The following IRF8 variants were observed in gnomAD, a reference collection of about 807,000 sequenced individuals.
The protein encoded by IRF8 is interferon regulatory factor 8.
Under a neutral mutation model 48.7 loss-of-function variants are expected in IRF8, and 14 were observed. That is an observed-to-expected ratio of 0.29 (90% CI 0.19 to 0.45). The LOEUF (loss-of-function observed/expected upper bound fraction) is 0.45. Among genes scored for constraint, IRF8 ranks in the 20% least tolerant of loss-of-function variants. IRF8 has a pLI of 1.00. For missense variants in IRF8, 493 were observed against 580.7 expected, an observed-to-expected ratio of 0.85 and a Z score of 1.55; for synonymous variants, 278 against 227.3, an observed-to-expected ratio of 1.22 and a Z score of -2.01.
chr16:85,918,522 T>C lies in IRF8; in HGVS notation c.707T>C (p.Leu236Pro), dbSNP rs752611388. The C allele has an allele frequency of 2.5e-6, 4 of 1,598,546 alleles. No individual in the cohort carries two copies. The highest frequency in any genetic ancestry group is 2.2e-5 in the East Asian group (1 of 44,728). ...GCRLSLSQPG[L>P]PGTKLYGPEG... ...CGCCTGTCCCTGAGCCAGCCTGGGCTGCCCGGCACCAAGCTGTATGGGCCC... is the reference window on the plus strand; with the variant it reads ...CGCCTGTCCCTGAGCCAGCCTGGGCCGCCCGGCACCAAGCTGTATGGGCCC... The change falls in exon 7 of 9, where the codon CTG becomes CCG. Residue 236 changes from leucine to proline, a missense_variant. Around this residue, in one of 3 missense-constraint regions of IRF8, gnomAD observed 408 missense variants for 449.6 expected, o/e 0.91. Transcript: ENST00000268638.
At chr16:85,899,647 A>G (rs1904762986) in intron 1 of IRF8, among the ~76,000 whole-genome samples, 1 of 152,240 alleles carries the variant, frequency 6.6e-6, no homozygotes, top group South Asian at 2.1e-4. Flanking sequence ...GTCGTTACTG[A>G]GGGTTAGTTT....
chr16:85,915,235 G>A (rs1330300054), intron 6 of IRF8, among the ~76,000 whole-genome samples: 1 of 152,262 alleles, frequency 6.6e-6, no homozygotes, highest in Non-Finnish European at 1.5e-5. Context: ...TGGAAGTGAC[G>A]CTCAGGCGTG....
At chr16:85,917,236 A>G (rs1905340862) in intron 6 of IRF8, among the ~76,000 whole-genome samples, 1 of 152,204 alleles carries the variant, frequency 6.6e-6, no homozygotes, top group Admixed American at 6.5e-5. Flanking sequence ...GGCAGCCTCG[A>G]ACCGGTCTGG....
chr16:85,903,247 C>T, intron 2 of IRF8, 58 bp downstream of exon 2: 1 of 1,447,596 alleles, frequency 6.9e-7, no homozygotes, highest in African/African-American at 1.4e-5. Context: ...CCCTCATGGA[C>T]TAGTGGAGAT....
In IRF8 at chr16:85,913,177, C is replaced by T. The variant is rs769033917; in HGVS notation, c.494C>T (p.Pro165Leu). 1.2e-6 allele frequency: 2 copies of T among 1,614,196 alleles called. No individual in the cohort carries two copies. The highest frequency in any genetic ancestry group is 1.7e-6 in the Non-Finnish European group (2 of 1,180,022). Residue 165 changes from proline to leucine, a missense_variant, in exon 5 of 9, where the codon CCG becomes CTG. Physicochemically the swap from Pro to Leu is moderately conservative, Grantham distance 98 (BLOSUM62 -3). Transcript: ENST00000268638. ...YMGMIKRSPS[P>L]PEACRSQLLP... Reference sequence around the variant, plus strand: ...GGGATGATCAAAAGGAGCCCTTCCCCGCCGGAGGCCTGTCGGAGTCAGCTC... The same window carrying T: ...GGGATGATCAAAAGGAGCCCTTCCCTGCCGGAGGCCTGTCGGAGTCAGCTC...
At chr16:85,905,654 C>T (rs1904977576) in intron 2 of IRF8, among the ~76,000 whole-genome samples, 1 of 152,206 alleles carries the variant, frequency 6.6e-6, no homozygotes, top group Non-Finnish European at 1.5e-5. Flanking sequence ...TCCCATCCAT[C>T]CTCTGAGAGG....
chr16:85,913,103 C>G, intron 4 of IRF8, 28 bp from the exon 5 acceptor site: 1 of 1,527,266 alleles, frequency 6.5e-7, no homozygotes. Flanking sequence ...GACTGAGCTG[C>G]CCTCCTCTCC....
intron 2 of IRF8, among the ~76,000 whole-genome samples, chr16:85,905,535 G>C (rs1447559671): frequency 3.9e-5 from 6 of 152,114 alleles, no homozygotes. Flanking sequence ...GGCCAGGAGG[G>C]AGACGCGGGT....
At chr16:85,903,439 T>A in intron 2 of IRF8, 1 of 503,494 alleles carries the variant, frequency 2.0e-6, no homozygotes. Context: ...TCTTTTCTTC[T>A]CTTTTCTGCT....
intron 2 of IRF8, among the ~76,000 whole-genome samples, chr16:85,904,810 A>ACCTTTTTTTTTTTTTTTTTTTTT (rs1904940850): frequency 6.2e-5 from 4 of 64,636 alleles, no homozygotes; most frequent in African/African-American, 4.2e-4. Flanking sequence ...TTGATTGCAG[A>ACCTTTTTTTTTTTTTTTTTTTTT]TCTTTTTTTT....
intron 3 of IRF8, among the ~76,000 whole-genome samples, chr16:85,910,579 AC>A (rs561290047): frequency 2.5e-3 from 384 of 152,248 alleles, no homozygotes; most frequent in African/African-American, 8.9e-3. Flanking sequence ...TCAGGCTTGA[AC>A]CGGCAGGTGA....
chr16:85,903,916 G>A (rs1348566395), intron 2 of IRF8, among the ~76,000 whole-genome samples: 2 of 152,204 alleles, frequency 1.3e-5, no homozygotes, highest in Non-Finnish European at 2.9e-5. Context: ...ATGCAAGATG[G>A]CCCAACTGTG....
chr16:85,902,611 A>C (rs1355891717), intron 1 of IRF8: 1 of 273,828 alleles, frequency 3.7e-6, no homozygotes, highest in African/African-American at 2.2e-5. Flanking sequence ...TCTTCGGATA[A>C]TGGGCTGCTC....
chr16:85,903,275 T>C (rs756905699), intron 2 of IRF8, 86 bp downstream of exon 2: 4 of 1,268,134 alleles, frequency 3.2e-6, no homozygotes, highest in Non-Finnish European at 4.5e-6. Flanking sequence ...GACATCTTTC[T>C]CATTTACTTA....
In IRF8 at chr16:85,902,536, C is replaced by T. The variant is rs138703546; in HGVS notation, c.-1-479C>T. ...GCCTGAGGGCCTCCTCTTTCCCAGA[C>T]GGCACGGACGCAGTATTCTATCAGG... On this transcript the variant is annotated intron_variant, in intron 1 of 8. Transcript: ENST00000268638. Among the ~76,000 whole-genome samples, 282 of 152,342 alleles carry T rather than the reference C, an allele frequency of 1.9e-3. 1 individual carries two copies. The highest frequency in any genetic ancestry group is 5.9e-3 in the African/African-American group (246 of 41,576).
rs771384589 is a variant in IRF8, at chr16:85,918,576, C to T, written c.761C>T (p.Pro254Leu). ...PEGLELVRFPPADAIPSERQR... is the reference protein window; with the variant it reads ...PEGLELVRFPLADAIPSERQR... Reference sequence around the variant, plus strand: ...GGCCTGGAGCTGGTGCGCTTCCCGCCGGCCGACGCCATCCCCAGCGAGCGA... The same window carrying T: ...GGCCTGGAGCTGGTGCGCTTCCCGCTGGCCGACGCCATCCCCAGCGAGCGA... Residue 254 changes from proline (P) to leucine (L), a missense_variant, in exon 7 of 9, where the codon CCG becomes CTG. By Grantham distance (98) the Pro-to-Leu change is moderately conservative. Transcript: ENST00000268638. The T allele has an allele frequency of 1.3e-5, 21 of 1,605,200 alleles. No individual in the cohort carries two copies. The highest frequency in any genetic ancestry group is 1.6e-5 in the Non-Finnish European group (19 of 1,179,208).
intron 2 of IRF8, 32 bp downstream of exon 2, chr16:85,903,221 G>C: frequency 6.4e-7 from 1 of 1,569,564 alleles, no homozygotes; most frequent in Non-Finnish European, 8.7e-7. Flanking sequence ...CCCACTGTGG[G>C]CACAGTGTCT....
At chr16:85,915,440 C>T (rs1334601158) in intron 6 of IRF8, among the ~76,000 whole-genome samples, 3 of 152,196 alleles carry the variant, frequency 2.0e-5, no homozygotes, top group Admixed American at 6.5e-5. Flanking sequence ...TAGCAGAGGT[C>T]GGTGCTCACC....
At chr16:85,911,152 C>T (rs1905130243) in intron 3 of IRF8, among the ~76,000 whole-genome samples, 1 of 152,176 alleles carries the variant, frequency 6.6e-6, no homozygotes, top group African/African-American at 2.4e-5. Flanking sequence ...ACTGGCAATA[C>T]AAAAAAGACC....
Sources: allele counts gnomAD v4.1 joint callset (sites outside exome capture counted in the v4.1 genomes callset), GRCh38; gene constraint gnomAD v4.1.1; regional missense constraint gnomAD v4.1.1; transcripts MANE v1.5; gene names NCBI Gene and HGNC (gene_info 2026-07-23, HGNC 2026-07-21).